LRP1B: variants seen among roughly 807,000 people sequenced by gnomAD.
LRP1B encodes the protein LDL receptor related protein 1B, also known as low-density lipoprotein receptor-related protein 1B.
In LRP1B, 217 loss-of-function variants were observed where a neutral mutation model predicts 556.6. The ratio of observed to expected loss-of-function variants is 0.39; its 90% CI spans 0.35 to 0.44. The LOEUF is 0.44. LRP1B is among the 20% of genes least tolerant of loss of function. LRP1B has a pLI of 1.00. For synonymous variants in LRP1B, 2,047 were observed against 1,865.8 expected (o/e 1.10, Z -2.50); for missense variants, 5,053 against 5,620.8 (o/e 0.90, Z 3.23).
intron 2 of LRP1B, among the ~76,000 whole-genome samples, chr2:141,782,655 A>G (rs1029520196): frequency 2.0e-5 from 3 of 151,578 alleles, no homozygotes; most frequent in Non-Finnish European, 2.9e-5. Flanking sequence ...TTTGTGTGAA[A>G]CTCACCATCG....
At chr2:141,917,973 C>G (rs1164101577) in intron 1 of LRP1B, among the ~76,000 whole-genome samples, 1 of 151,858 alleles carries the variant, frequency 6.6e-6, no homozygotes, top group Non-Finnish European at 1.5e-5. Flanking sequence ...CTAATTCTAC[C>G]TAGGCAATAT....
chr2:140,545,355 T>C (rs1680290949), intron 43 of LRP1B, among the ~76,000 whole-genome samples: 1 of 152,114 alleles, frequency 6.6e-6, no homozygotes, highest in Non-Finnish European at 1.5e-5. Flanking sequence ...CATAAAATCT[T>C]TGCCTGTTCC....
intron 3 of LRP1B, among the ~76,000 whole-genome samples, chr2:141,293,739 T>G (rs1040785453): frequency 2.0e-5 from 3 of 152,062 alleles, no homozygotes; most frequent in Non-Finnish European, 4.4e-5. Flanking sequence ...GAAAATATTT[T>G]TCAAAACTGA....
intron 27 of LRP1B, among the ~76,000 whole-genome samples, chr2:140,862,048 A>C (rs943656728): frequency 6.6e-6 from 1 of 152,056 alleles, no homozygotes; most frequent in Admixed American, 6.6e-5. Context: ...TCTTATCTAC[A>C]TTTTGCCTTC....
chr2:141,427,718 T>A (rs748714283), intron 3 of LRP1B, among the ~76,000 whole-genome samples: 2 of 152,190 alleles, frequency 1.3e-5, no homozygotes, highest in Non-Finnish European at 2.9e-5. Context: ...GGTTAATTGT[T>A]TCTCAAATTA....
At chr2:141,045,050 G>A (rs1326884108) in intron 11 of LRP1B, among the ~76,000 whole-genome samples, 1 of 151,604 alleles carries the variant, frequency 6.6e-6, no homozygotes, top group Non-Finnish European at 1.5e-5. Context: ...ACTGGATTAA[G>A]AAAACGTGGC....
At chr2:140,755,151 C>T (rs1295657497) in intron 35 of LRP1B, among the ~76,000 whole-genome samples, 1 of 151,944 alleles carries the variant, frequency 6.6e-6, no homozygotes, top group Non-Finnish European at 1.5e-5. Context: ...AGATCTATAA[C>T]AATTAAAGAA....
intron 7 of LRP1B, among the ~76,000 whole-genome samples, chr2:141,112,418 G>A (rs1176151404): frequency 6.6e-6 from 1 of 151,944 alleles, no homozygotes; most frequent in African/African-American, 2.4e-5. Context: ...ATTTAAAATG[G>A]CCCCCAAGTG....
intron 60 of LRP1B, among the ~76,000 whole-genome samples, chr2:140,474,754 A>T (rs757976888): frequency 6.6e-6 from 1 of 151,932 alleles, no homozygotes; most frequent in African/African-American, 2.4e-5. Context: ...TTATAAAACT[A>T]TACTTTTACT....
chr2:140,753,454 A>G (rs768551342), intron 35 of LRP1B, among the ~76,000 whole-genome samples: 12 of 152,170 alleles, frequency 7.9e-5, no homozygotes, highest in Non-Finnish European at 1.6e-4. Context: ...AGTTTAGACA[A>G]TGTCACTGAT....
intron 35 of LRP1B, among the ~76,000 whole-genome samples, chr2:140,722,643 C>T (rs1450012899): frequency 6.6e-6 from 1 of 152,160 alleles, no homozygotes; most frequent in Non-Finnish European, 1.5e-5. Context: ...AAATGAGCAG[C>T]TTCAAATAAG....
chr2:141,963,054 T>G (rs72852551), intron 1 of LRP1B, among the ~76,000 whole-genome samples: 32,648 of 151,720 alleles, frequency 0.22, 4,083 homozygotes, highest in East Asian at 0.31. Context: ...CAAAGTGACA[T>G]AGAGAACACA....
At chr2:141,149,947 C>G (rs1171388641) in intron 7 of LRP1B, among the ~76,000 whole-genome samples, 1 of 152,152 alleles carries the variant, frequency 6.6e-6, no homozygotes, top group Non-Finnish European at 1.5e-5. Flanking sequence ...AATTGGTAGA[C>G]TAGTGTCTCT....
chr2:141,345,174 A>G (rs935470211), intron 3 of LRP1B, among the ~76,000 whole-genome samples: 22 of 151,804 alleles, frequency 1.4e-4, no homozygotes, highest in Non-Finnish European at 2.6e-4. Flanking sequence ...CAGGAAAAAA[A>G]AAAAAACCCA....
chr2:140,291,655 C>T (rs183127467), intron 84 of LRP1B, among the ~76,000 whole-genome samples: 2 of 152,018 alleles, frequency 1.3e-5, no homozygotes, highest in Non-Finnish European at 2.9e-5. Context: ...CTTTCTATGG[C>T]TGCATAGTAT....
At chr2:140,724,054 A>C (rs1186644418) in intron 35 of LRP1B, among the ~76,000 whole-genome samples, 1 of 152,204 alleles carries the variant, frequency 6.6e-6, no homozygotes, top group Non-Finnish European at 1.5e-5. Flanking sequence ...GGAAGATGAG[A>C]ATCTGGTTGA....
intron 2 of LRP1B, among the ~76,000 whole-genome samples, chr2:141,704,696 T>C (rs1359284054): frequency 6.6e-6 from 1 of 151,988 alleles, no homozygotes; most frequent in Non-Finnish European, 1.5e-5. Flanking sequence ...CTGATTCATA[T>C]TTTCTTCCTC....
intron 2 of LRP1B, among the ~76,000 whole-genome samples, chr2:141,753,727 G>A (rs1196884776): frequency 6.6e-6 from 1 of 152,036 alleles, no homozygotes; most frequent in Non-Finnish European, 1.5e-5. Flanking sequence ...CGACAGCACT[G>A]CATAGGATAC....
At chr2:140,597,806 G>T (rs494227) in intron 43 of LRP1B, among the ~76,000 whole-genome samples, 12,979 of 152,174 alleles carry the variant, frequency 0.085, 828 homozygotes, top group African/African-American at 0.17. Context: ...TTGTGATAGA[G>T]ATCACATGGT....
Sources: allele counts gnomAD v4.1 joint callset (sites outside exome capture counted in the v4.1 genomes callset), GRCh38; gene constraint gnomAD v4.1.1; transcripts MANE v1.5; gene names NCBI Gene and HGNC (gene_info 2026-07-23, HGNC 2026-07-21).